The following GNAL variants were observed in gnomAD, a reference collection of about 807,000 sequenced individuals.
GNAL encodes guanine nucleotide-binding protein G(olf) subunit alpha.
Under a neutral mutation model 55.1 loss-of-function variants are expected in GNAL, and 18 were observed. The ratio of observed to expected loss-of-function variants is 0.33; its 90% confidence interval spans 0.23 to 0.48. The LOEUF (loss-of-function observed/expected upper bound fraction) is 0.48, where lower values mean the gene tolerates loss of function less well. Among genes scored for constraint, GNAL ranks in the 20% least tolerant of loss-of-function variants. The pLI, the probability that GNAL is intolerant of heterozygous loss-of-function variation, is 0.99. For synonymous variants in GNAL, 253 were observed against 237.0 expected, an observed-to-expected ratio of 1.07 and a Z score of -0.62; for missense variants, 412 against 614.1, an observed-to-expected ratio of 0.67 and a Z score of 3.48.
chr18:11,747,854 T>C (rs887389189), intron 1 of GNAL, among the ~76,000 whole-genome samples: 2 of 152,162 alleles, frequency 1.3e-5, no homozygotes, highest in African/African-American at 2.4e-5. Context: ...TCTGGCGCAG[T>C]CAGCCTGGAC....
At chr18:11,773,648 G>A (rs58285951) in intron 4 of GNAL, among the ~76,000 whole-genome samples, 24,779 of 151,934 alleles carry the variant, frequency 0.16, 2,141 homozygotes, top group East Asian at 0.32. Flanking sequence ...GCCGGGCATG[G>A]TGTTGTATGC....
At chr18:11,864,412 T>A (rs2036215068) in intron 6 of GNAL, 121 bp from the exon 7 acceptor site, 1 of 711,496 alleles carries the variant, frequency 1.4e-6, no homozygotes. Context: ...TCTTAATTGT[T>A]GTTTCCTTTA....
chr18:11,807,974 G>A (rs2034708624), intron 4 of GNAL, among the ~76,000 whole-genome samples: 1 of 152,016 alleles, frequency 6.6e-6, no homozygotes, highest in Admixed American at 6.5e-5. Flanking sequence ...AATGTCATTG[G>A]TGACCCTCAT....
intron 4 of GNAL, among the ~76,000 whole-genome samples, chr18:11,793,958 A>AGAGAATATAT (rs2034309226): frequency 6.6e-6 from 1 of 151,980 alleles, no homozygotes; most frequent in Non-Finnish European, 1.5e-5. Flanking sequence ...GCATTTATCC[A>AGAGAATATAT]GAGAATATAT....
chr18:11,706,587 T>G (rs1260588701), intron 1 of GNAL, among the ~76,000 whole-genome samples: 1 of 152,204 alleles, frequency 6.6e-6, no homozygotes, highest in Non-Finnish European at 1.5e-5. Flanking sequence ...ATCGTAGAAC[T>G]TTCAAAATTG....
Position 11,728,222 on chromosome 18 carries a change from A to C in GNAL, c.377-24631A>C, listed in dbSNP as rs536838184. ...GAGTAAGACCCTATGTCTTTAATTA[A>C]CAACAGCAACAAAAGATGAATACAT... is the stretch of plus-strand genomic sequence containing the variant. On this transcript the variant is annotated intron_variant, in intron 1 of 11. Coordinates refer to ENST00000334049, the MANE Select transcript of GNAL (RefSeq NM_182978.4). 4.6e-5 allele frequency among the ~76,000 whole-genome samples: 7 copies of C among 152,040 alleles called. No individual in the cohort carries two copies. In the South Asian group the frequency reaches 1.2e-3, roughly 27 times the overall value.
intron 1 of GNAL, among the ~76,000 whole-genome samples, chr18:11,719,897 G>A (rs529642976): frequency 2.6e-5 from 4 of 152,376 alleles, no homozygotes; most frequent in Admixed American, 6.5e-5. Context: ...GTGTGTGCCA[G>A]CAATAGAGTG....
chr18:11,732,412 CTTAA>C (rs1397433730), intron 1 of GNAL, among the ~76,000 whole-genome samples: 1 of 152,164 alleles, frequency 6.6e-6, no homozygotes, highest in Non-Finnish European at 1.5e-5. Context: ...TTTGCAGTTC[CTTAA>C]TTAATAATGT....
At position 11,789,540 on chromosome 18, in the gene GNAL, T is replaced by TGG. The variant is rs570879236; in HGVS notation, c.625-35375_625-35374dup. On this transcript the variant is annotated intron_variant, in intron 4 of 11. Coordinates refer to ENST00000334049, the MANE Select transcript of GNAL (RefSeq NM_182978.4). ...AACTTAAGGTTATGGCACCATATGG[T>TGG]GGGGAAGACTATATATAGATAGGCA... 9.9e-3 allele frequency among the ~76,000 whole-genome samples: 1,513 copies of TGG among 152,218 alleles called. 9 individuals are homozygous for TGG. Among genetic ancestry groups the TGG allele is most frequent in the Non-Finnish European group, 0.015 (1,041 of 68,028 alleles).
chr18:11,846,405 TTATATATAAATATATAAATAC>T (rs1003139324), intron 5 of GNAL, among the ~76,000 whole-genome samples: 3 of 148,010 alleles, frequency 2.0e-5, no homozygotes, highest in Non-Finnish European at 4.5e-5. Context: ...CATCATTTTT[TTATATATAAATATATAAATAC>T]ATATATAAAT....
intron 1 of GNAL, among the ~76,000 whole-genome samples, chr18:11,748,303 T>A (rs1346031366): frequency 6.6e-6 from 1 of 152,204 alleles, no homozygotes; most frequent in African/African-American, 2.4e-5. Context: ...GCAGCCAGGC[T>A]GCAAGGGTCT....
chr18:11,740,260 C>A (rs11660275), intron 1 of GNAL, among the ~76,000 whole-genome samples: 172 of 152,156 alleles, frequency 1.1e-3, no homozygotes, highest in Non-Finnish European at 2.0e-3. Flanking sequence ...GTACCCCCAG[C>A]ATTTTGGGGC....
intron 4 of GNAL, among the ~76,000 whole-genome samples, chr18:11,764,086 G>A (rs2033329442): frequency 1.3e-5 from 2 of 152,044 alleles, no homozygotes; most frequent in African/African-American, 2.4e-5. Flanking sequence ...TTTTGAAACT[G>A]TACAAATATC....
chr18:11,720,090 C>G (rs920043004), intron 1 of GNAL, among the ~76,000 whole-genome samples: 5 of 152,184 alleles, frequency 3.3e-5, no homozygotes, highest in African/African-American at 1.2e-4. Context: ...GTTTTCCTAG[C>G]AAGCACCACA....
chr18:11,719,785 T>A (rs1398463432), intron 1 of GNAL, among the ~76,000 whole-genome samples: 1 of 152,156 alleles, frequency 6.6e-6, no homozygotes, highest in Non-Finnish European at 1.5e-5. Flanking sequence ...CCATGGACAG[T>A]GCAGAGCTGC....
chr18:11,846,162 A>T (rs1370708577), intron 5 of GNAL, among the ~76,000 whole-genome samples: 3 of 152,064 alleles, frequency 2.0e-5, no homozygotes, highest in Non-Finnish European at 4.4e-5. Context: ...AGCTTCTCAA[A>T]GTGGTAAGTT....
At chr18:11,863,543 C>A (rs1352928561) in intron 6 of GNAL, among the ~76,000 whole-genome samples, 1 of 152,182 alleles carries the variant, frequency 6.6e-6, no homozygotes, top group Admixed American at 6.5e-5. Flanking sequence ...ACTAACTTAC[C>A]TGTCCTAAAC....
At position 11,884,170 on chromosome 18, in the gene GNAL, T is replaced by G. The variant is rs2036836967; in HGVS notation, c.*3035T>G. The G allele has an allele frequency of 3.0e-6, 1 of 331,638 alleles. No individual in the cohort carries two copies. The highest frequency in any genetic ancestry group is 4.9e-5 in the South Asian group (1 of 20,570). The allele number at this position is 331,638 out of a possible 1,614,324, so 20.5% of individuals were successfully genotyped here. ...TCGTGCATGTGAGTGACGACATTAA[T>G]AGCATTTACATACTGTACAGATGCA... On this transcript the variant is annotated 3_prime_UTR_variant, in exon 12 of 12. Coordinates refer to ENST00000334049, the MANE Select transcript of GNAL (RefSeq NM_182978.4).
At chr18:11,750,855 G>A (rs909398916) in intron 1 of GNAL, among the ~76,000 whole-genome samples, 3 of 152,178 alleles carry the variant, frequency 2.0e-5, no homozygotes. Flanking sequence ...AGTTGAATGT[G>A]TTCGCTTGCT....
Sources: gnomAD v4.1 joint callset for allele counts (sites outside exome capture counted in the v4.1 genomes callset) on GRCh38, gnomAD v4.1.1 for gene constraint, MANE v1.5 for transcripts, NCBI Gene and HGNC (gene_info 2026-07-23, HGNC 2026-07-21) for gene names.